The following CNOT1 variants were observed in gnomAD, a reference collection of about 807,000 sequenced individuals.
CNOT1 encodes CCR4-NOT transcription complex subunit 1, also known as CCR4-associated factor 1.
A neutral mutation model predicts 273.8 loss-of-function variants in CNOT1; 15 were observed. The ratio of observed to expected loss-of-function variants is 0.05; its 90% CI spans 0.04 to 0.08. The LOEUF (loss-of-function observed/expected upper bound fraction) is 0.08. Ranked by LOEUF, CNOT1 falls within the 10% of genes least tolerant of loss-of-function variation. The probability of loss-of-function intolerance (pLI) is 1.00; values close to 1 mark genes in which losing one functional copy is unlikely to be tolerated. For synonymous variants in CNOT1, 1,022 were observed against 1,005.5 expected (o/e 1.02, Z -0.31); for missense variants, 1,644 against 2,912.2 (o/e 0.56, Z 10.02).
intron 22 of CNOT1, among the ~76,000 whole-genome samples, chr16:58,553,022 C>T (rs963122159): frequency 2.0e-5 from 3 of 152,140 alleles, no homozygotes; most frequent in Non-Finnish European, 4.4e-5. Flanking sequence ...CCTGTAATCC[C>T]AGCACTTTGC....
intron 45 of CNOT1, among the ~76,000 whole-genome samples, chr16:58,525,622 T>C (rs2039557981): frequency 6.6e-6 from 1 of 152,250 alleles, no homozygotes; most frequent in East Asian, 1.9e-4. Flanking sequence ...AAATATGCAC[T>C]GTGCCAATTA....
At chr16:58,562,679 C>T (rs1032001505) in intron 16 of CNOT1, among the ~76,000 whole-genome samples, 6 of 151,698 alleles carry the variant, frequency 4.0e-5, no homozygotes, top group Non-Finnish European at 5.9e-5. Context: ...AAAAATTAGC[C>T]GGGTGTGTTG....
At position 58,604,376 on chromosome 16, in the gene CNOT1, T is replaced by C. The variant is rs112899718; in HGVS notation, c.-174-4865A>G. 1.8e-3 allele frequency among the ~76,000 whole-genome samples: 270 copies of C among 152,342 alleles called. 1 individual carries two copies. Among genetic ancestry groups the C allele is most frequent in the Non-Finnish European group, 2.9e-3 (196 of 68,032 alleles). On this transcript the variant is annotated intron_variant, in intron 1 of 48. Transcript: ENST00000317147. The stretch of plus-strand genomic sequence containing the variant: ...ATATTCATTCACTATAAGGGATTTG[T>C]AGCGCTGGATCATTCTATTTGTATA...
intron 16 of CNOT1, among the ~76,000 whole-genome samples, chr16:58,570,931 CAA>C (rs1199448244): frequency 2.6e-5 from 4 of 151,976 alleles, no homozygotes; most frequent in South Asian, 4.2e-4. Context: ...ACAAAAGTGA[CAA>C]GAGATAGAAA....
Position 58,580,736 on chromosome 16 carries a change from T to C in CNOT1, c.1240A>G (p.Ile414Val), listed in dbSNP as rs2041627985. Residue 414 changes from isoleucine (I) to valine (V), a missense_variant, in exon 12 of 49, where the codon ATA (isoleucine) becomes GTA (valine). By Grantham distance (29) the Ile-to-Val change is conservative (BLOSUM62 3). This residue lies in a region of CNOT1 where 706 missense variants were observed against 1,021.2 expected (regional missense o/e 0.69). Transcript: ENST00000317147. ...GCAAAACAGAAGATCTCTGGATTTA[T>C]AAGGGAATGTTGAATGAAGGAGAGC... ...GQLSFIQHSL[I>V]NPEIFCFADY... 6.2e-7 allele frequency: 1 copy of C among 1,612,482 alleles called. No individual in the cohort carries two copies. The highest frequency in any genetic ancestry group is 8.5e-7 in the Non-Finnish European group (1 of 1,179,250).
chr16:58,540,181 TGA>T (rs775493838), intron 34 of CNOT1: 3 of 418,200 alleles, frequency 7.2e-6, no homozygotes, highest in Admixed American at 3.9e-5. Flanking sequence ...GTGTTTCATT[TGA>T]GAGAGGAAAA....
Position 58,580,772 on chromosome 16 carries a change from GA to G in CNOT1, c.1216-13del. On this transcript the variant is annotated splice_polypyrimidine_tract_variant and intron_variant, in intron 11 of 48. Coordinates refer to ENST00000317147, the MANE Select transcript of CNOT1 (RefSeq NM_016284.5). ...TGAATGAAGGAGAGCTGCAATGAAA[GA>G]AAATGCTTACCACCATAAATGATTG... 1.2e-6 allele frequency: 2 copies of G among 1,602,174 alleles called. No individual in the cohort carries two copies. The highest frequency in any genetic ancestry group is 1.7e-5 in the Admixed American group (1 of 57,930).
chr16:58,542,996 A>G (rs1394849387), intron 31 of CNOT1, among the ~76,000 whole-genome samples: 1 of 152,152 alleles, frequency 6.6e-6, no homozygotes, highest in East Asian at 1.9e-4. Flanking sequence ...GGGAGGCTGA[A>G]GCACGAGAAT....
At position 58,561,897 on chromosome 16, in the gene CNOT1, G is replaced by A. The variant is rs150042921; in HGVS notation, c.1980-1535C>T. 4.8e-4 allele frequency among the ~76,000 whole-genome samples: 73 copies of A among 152,190 alleles called. 1 individual carries two copies. The East Asian group carries it at 0.012, about 24-fold the overall frequency. Reference sequence around the variant, plus strand: ...TGTATTCAGAAGCTCTACTCGGGCCGGGTGCGGTGGCTCATGCCTATAATC... The same window carrying A: ...TGTATTCAGAAGCTCTACTCGGGCCAGGTGCGGTGGCTCATGCCTATAATC... On this transcript the variant is annotated intron_variant, in intron 16 of 48. Transcript: ENST00000317147.
chr16:58,540,188 G>A (rs921986863), intron 34 of CNOT1: 4 of 404,660 alleles, frequency 9.9e-6, no homozygotes, highest in Admixed American at 4.0e-5. Context: ...ATTTGAGAGA[G>A]GAAAACCTGG....
chr16:58,522,237 C>CAAAAAAAA (rs56149974), intron 47 of CNOT1, among the ~76,000 whole-genome samples: 3 of 98,556 alleles, frequency 3.0e-5, no homozygotes, highest in Non-Finnish European at 4.0e-5. Flanking sequence ...GAGACTGTCT[C>CAAAAAAAA]AAAAAAAAAA....
intron 25 of CNOT1, among the ~76,000 whole-genome samples, chr16:58,548,906 A>G (rs532807689): frequency 6.6e-6 from 1 of 152,360 alleles, no homozygotes; most frequent in Non-Finnish European, 1.5e-5. Flanking sequence ...ATTGTTTATA[A>G]TAGTTTAAGT....
intron 2 of CNOT1, among the ~76,000 whole-genome samples, chr16:58,596,885 C>T (rs1252545603): frequency 1.6e-5 from 1 of 63,976 alleles, no homozygotes; most frequent in African/African-American, 7.4e-5. Flanking sequence ...GAGACTCCGT[C>T]TCAAAAAAAA....
intron 16 of CNOT1, among the ~76,000 whole-genome samples, chr16:58,573,792 ATC>A (rs1417405376): frequency 1.3e-5 from 2 of 151,974 alleles, no homozygotes; most frequent in Admixed American, 6.6e-5. Context: ...TAACTAGCTG[ATC>A]TTAAACTTTT....
chr16:58,584,334 TAGTCTCGCTTTTTTTTGACGA>T (rs1210083643), intron 8 of CNOT1, among the ~76,000 whole-genome samples: 1 of 152,128 alleles, frequency 6.6e-6, no homozygotes, highest in Non-Finnish European at 1.5e-5. Flanking sequence ...TTTTTTTTGT[TAGTCTCGCTTTTTTTTGACGA>T]AGTCTCGCTT....
At chr16:58,566,548 T>C (rs1333886595) in intron 16 of CNOT1, among the ~76,000 whole-genome samples, 1 of 152,236 alleles carries the variant, frequency 6.6e-6, no homozygotes, top group African/African-American at 2.4e-5. Context: ...AGGTTACACT[T>C]TAGAACTTGA....
intron 35 of CNOT1, among the ~76,000 whole-genome samples, 174 bp from the exon 36 acceptor site, chr16:58,539,088 CTGATT>C (rs1378886550): frequency 1.3e-5 from 2 of 151,712 alleles, no homozygotes; most frequent in Non-Finnish European, 1.5e-5. Context: ...TAAATTCTAT[CTGATT>C]TAAGTTCATT....
chr16:58,563,236 T>G (rs2040923426), intron 16 of CNOT1, among the ~76,000 whole-genome samples: 1 of 152,236 alleles, frequency 6.6e-6, no homozygotes, highest in Non-Finnish European at 1.5e-5. Flanking sequence ...TTGCTGTAAC[T>G]TTTCTGTTTA....
At chr16:58,606,674 G>A (rs970579820) in intron 1 of CNOT1, among the ~76,000 whole-genome samples, 2 of 151,976 alleles carry the variant, frequency 1.3e-5, no homozygotes, top group African/African-American at 4.8e-5. Flanking sequence ...GTGGTGGCAG[G>A]CACCTGTAAT....
Sources: allele counts gnomAD v4.1 joint callset (sites outside exome capture counted in the v4.1 genomes callset), GRCh38; gene constraint gnomAD v4.1.1; regional missense constraint gnomAD v4.1.1; transcripts MANE v1.5; gene names NCBI Gene and HGNC (gene_info 2026-07-23, HGNC 2026-07-21).